The following RICTOR variants were observed in gnomAD, a reference collection of about 807,000 sequenced individuals.
The protein encoded by RICTOR is rapamycin-insensitive companion of mTOR.
RICTOR carries 49 observed loss-of-function variants against 214.9 expected under a neutral mutation model. That is an observed-to-expected ratio of 0.23 (90% CI 0.18 to 0.29). The LOEUF is 0.29. Ranked by LOEUF, RICTOR falls within the 10% of genes least tolerant of loss-of-function variation. The pLI is 1.00. For missense variants in RICTOR, 1,625 were observed against 2,047.0 expected (o/e 0.79, Z 3.98); for synonymous variants, 717 against 711.3 (o/e 1.01, Z -0.13).
At chr5:38,988,158 C>G (rs1341585350) in intron 7 of RICTOR, among the ~76,000 whole-genome samples, 1 of 152,060 alleles carries the variant, frequency 6.6e-6, no homozygotes, top group Non-Finnish European at 1.5e-5. Context: ...TGATGTAGTG[C>G]TGAGAAGAAT....
chr5:38,949,997 G>C lies in RICTOR; in HGVS notation c.3851C>G (p.Ser1284Trp), dbSNP rs757900166. ...AGAACCTGGAGGCACCAGGGACACC[G>C]AATTTGATTTGGAGAGAGACAGATG... is the stretch of plus-strand genomic sequence containing the variant. ...SNHLSLSKSN[S>W]VSLVPPGSSH... is the part of the protein sequence containing the mutation. Residue 1284 changes from serine to tryptophan, a missense_variant, in exon 31 of 38, where the codon TCG becomes TGG. By Grantham distance (177) the Ser-to-Trp change is radical. Transcript: ENST00000357387. The C allele has an allele frequency of 6.2e-7, 1 of 1,613,460 alleles. No homozygotes were observed.
chr5:38,959,440 CA>C, intron 21 of RICTOR, 119 bp from the exon 22 acceptor site: 1 of 654,132 alleles, frequency 1.5e-6, no homozygotes, highest in Non-Finnish European at 2.5e-6. Flanking sequence ...TTGTATTATT[CA>C]AAGTGTATAA....
At chr5:38,960,831 G>A (rs147022593) in intron 19 of RICTOR, among the ~76,000 whole-genome samples, 1,776 of 152,130 alleles carry the variant, frequency 0.012, 34 homozygotes, top group African/African-American at 0.041. Flanking sequence ...GACAGTGAGT[G>A]AGTTCTCACA....
At chr5:39,005,933 C>T (rs1158261271) in intron 3 of RICTOR, among the ~76,000 whole-genome samples, 1 of 152,186 alleles carries the variant, frequency 6.6e-6, no homozygotes, top group African/African-American at 2.4e-5. Context: ...CCTGCAAACT[C>T]CATTCCTGAT....
intron 2 of RICTOR, among the ~76,000 whole-genome samples, chr5:39,037,565 C>A (rs534098070): frequency 6.6e-6 from 1 of 151,498 alleles, no homozygotes; most frequent in African/African-American, 2.4e-5. Context: ...ATTGATAGAA[C>A]GCTAGCAAGA....
intron 7 of RICTOR, among the ~76,000 whole-genome samples, chr5:38,982,596 C>T (rs929024471): frequency 6.6e-6 from 1 of 152,018 alleles, no homozygotes; most frequent in Middle Eastern, 3.2e-3. Context: ...AGATGATAAA[C>T]TCAATTTTCC....
At chr5:38,952,039 G>C (rs1346182932) in intron 30 of RICTOR, among the ~76,000 whole-genome samples, 157 bp downstream of exon 30, 2 of 151,896 alleles carry the variant, frequency 1.3e-5, no homozygotes, top group Admixed American at 6.6e-5. Context: ...TATACTCTTT[G>C]TTATGAAAAT....
intron 2 of RICTOR, among the ~76,000 whole-genome samples, chr5:39,070,976 A>G (rs1452680504): frequency 1.3e-5 from 2 of 152,234 alleles, no homozygotes; most frequent in Non-Finnish European, 2.9e-5. Flanking sequence ...CTGACTGTAA[A>G]GTCTACTATA....
intron 28 of RICTOR, 141 bp from the exon 29 acceptor site, chr5:38,953,232 G>A: frequency 3.2e-6 from 2 of 618,318 alleles, no homozygotes; most frequent in Non-Finnish European, 5.7e-6. Flanking sequence ...CATTAGGCAT[G>A]AATTAATTCT....
intron 2 of RICTOR, among the ~76,000 whole-genome samples, chr5:39,065,345 C>A (rs1481808826): frequency 6.6e-6 from 1 of 152,160 alleles, no homozygotes; most frequent in Non-Finnish European, 1.5e-5. Context: ...CATGAGGGAT[C>A]CACTCCCATG....
rs370042907 is a variant in RICTOR, at chr5:38,994,075, A to G, written c.456+2744T>C. Among the ~76,000 whole-genome samples the G allele has an allele frequency of 9.9e-5, 15 of 152,178 alleles. No individual in the cohort carries two copies. In the South Asian group the frequency reaches 2.9e-3, roughly 29 times the overall value. On this transcript the variant is annotated intron_variant, in intron 6 of 37. Transcript: ENST00000357387. ...CGTGGTGGCGGGTGCCTGTAGTCCC[A>G]GCTACTGGGGAGGCTGAGGCAGGAG...
At chr5:39,006,172 T>C (rs1233445499) in intron 3 of RICTOR, among the ~76,000 whole-genome samples, 8 of 152,232 alleles carry the variant, frequency 5.3e-5, no homozygotes, top group African/African-American at 2.4e-5. Context: ...GAAAAAGTTG[T>C]TGAAGCAGCT....
chr5:38,956,517 G>T (rs1440130779), intron 25 of RICTOR, among the ~76,000 whole-genome samples: 4 of 151,818 alleles, frequency 2.6e-5, no homozygotes, highest in Non-Finnish European at 5.9e-5. Context: ...GCTTTATTCT[G>T]CTCCTTCTTC....
intron 2 of RICTOR, among the ~76,000 whole-genome samples, chr5:39,055,424 C>CG (rs1316105601): frequency 7.9e-6 from 1 of 127,180 alleles, no homozygotes; most frequent in Non-Finnish European, 1.6e-5. Flanking sequence ...AATTCCCCCC[C>CG]CCCACTCTTT....
At position 38,952,992 on chromosome 5, in the gene RICTOR, TG is replaced by T; in HGVS notation, c.2889del (p.Ile964SerfsTer12). ...LKLAKQCEVL[S>X]IRGTCVYVLG... ...CTGAGTTAAATGACCTACCCTCTGA[TG>T]GAAAGAACTTCACACTGTTTTGCAA... On this transcript the variant is annotated frameshift_variant, in exon 29 of 38. Transcript: ENST00000357387. LOFTEE classifies it high-confidence loss of function. 6.3e-7 allele frequency: 1 copy of T among 1,595,066 alleles called. No individual in the cohort carries two copies. Among genetic ancestry groups the T allele is most frequent in the Non-Finnish European group, 8.6e-7 (1 of 1,164,404 alleles).
In RICTOR at chr5:38,976,812, C is replaced by T. The variant is rs1036377201; in HGVS notation, c.822-1208G>A. On this transcript the variant is annotated intron_variant, in intron 9 of 37. Transcript: ENST00000357387. ...AAGATTCTGATGGAATAGCCCCACC[C>T]TCCCAATTCTAAGAAATATCTAGGT... 5.9e-5 allele frequency among the ~76,000 whole-genome samples: 9 copies of T among 152,162 alleles called. No individual in the cohort carries two copies. In the South Asian group the frequency reaches 1.7e-3, roughly 28 times the overall value.
In RICTOR at chr5:39,045,385, CCTTT is replaced by C. The variant is rs540238576; in HGVS notation, c.98-24253_98-24250del. ...AAATACAGTCTGCAACTTGAACAAC[CCTTT>C]CTAAGACAGTAAAAATAACTAAAAG... On this transcript the variant is annotated intron_variant, in intron 2 of 37. Transcript: ENST00000357387. Among the ~76,000 whole-genome samples the C allele has an allele frequency of 2.0e-4, 31 of 152,008 alleles. No homozygotes were observed. The East Asian group carries it at 2.3e-3, about 11-fold the overall frequency.
At position 38,959,812 on chromosome 5, in the gene RICTOR, A is replaced by C; in HGVS notation, c.2018T>G (p.Val673Gly). Residue 673 changes from valine (V) to glycine (G), a missense_variant, in exon 21 of 38, where the codon GTT (valine) becomes GGT (glycine). Physicochemically the swap from Val to Gly is moderately radical, Grantham distance 109. Transcript: ENST00000357387. ...TACACTGCATTTTTCCAGCATTTTAACTCCATGAGGGTGGCAAGAAAGTGT... is the reference window on the plus strand; with the variant it reads ...TACACTGCATTTTTCCAGCATTTTACCTCCATGAGGGTGGCAAGAAAGTGT... ...IGTLSCHPHG[V>G]KMLEKCSVFQ... 1 of 1,613,610 alleles carries C rather than the reference A, an allele frequency of 6.2e-7. No homozygotes were observed. Among genetic ancestry groups the C allele is most frequent in the East Asian group, 2.2e-5 (1 of 44,808 alleles).
chr5:39,023,321 C>T (rs1009940414), intron 2 of RICTOR, among the ~76,000 whole-genome samples: 12 of 151,022 alleles, frequency 7.9e-5, no homozygotes, highest in Non-Finnish European at 2.9e-5. Context: ...TTACAAGTAA[C>T]CAGATTGAAA....
Sources: gnomAD v4.1 joint callset for allele counts (sites outside exome capture counted in the v4.1 genomes callset) on GRCh38, gnomAD v4.1.1 for gene constraint, MANE v1.5 for transcripts, NCBI Gene and HGNC (gene_info 2026-07-23, HGNC 2026-07-21) for gene names.